EIF4E: variants seen among roughly 807,000 people sequenced by gnomAD.
The protein encoded by EIF4E is eukaryotic translation initiation factor 4E, also known as eIF-4F 25 kDa subunit.
For missense variants in EIF4E, 113 were observed against 265.6 expected, an observed-to-expected ratio of 0.43 and a Z score of 3.99; for synonymous variants, 71 against 88.5, an observed-to-expected ratio of 0.80 and a Z score of 1.11.
chr4:98,912,524 T>C (rs7678710), intron 1 of EIF4E, among the ~76,000 whole-genome samples: 84,838 of 151,028 alleles, frequency 0.56, 26,212 homozygotes, highest in African/African-American at 0.84. Flanking sequence ...TGCAGTGAGC[T>C]GAGATCGCAC....
chr4:98,882,874 C>A (rs1475193269), intron 6 of EIF4E, among the ~76,000 whole-genome samples: 1 of 151,472 alleles, frequency 6.6e-6, no homozygotes, highest in Non-Finnish European at 1.5e-5. Context: ...GGTTTTGATG[C>A]TGGAAGAAAC....
chr4:98,921,041 A>C (rs143222869), intron 1 of EIF4E, among the ~76,000 whole-genome samples: 4 of 152,320 alleles, frequency 2.6e-5, no homozygotes, highest in Admixed American at 6.5e-5. Flanking sequence ...GCCTTGCTAA[A>C]AATTAAAAAA....
chr4:98,915,847 CT>C (rs906952943), intron 1 of EIF4E, among the ~76,000 whole-genome samples: 32 of 151,548 alleles, frequency 2.1e-4, no homozygotes, highest in African/African-American at 7.8e-4. Context: ...TGGCCGTTAT[CT>C]TTAATAATAC....
At position 98,887,110 on chromosome 4, in the gene EIF4E, C is replaced by T; in HGVS notation, c.368G>A (p.Arg123Gln). 6.2e-7 allele frequency: 1 copy of T among 1,613,714 alleles called. No homozygotes were observed. The change falls in exon 5 of 7, where the codon CGA becomes CAA. Residue 123 changes from arginine (R) to glutamine (Q), a missense_variant. Coordinates refer to ENST00000450253, the MANE Select transcript of EIF4E (RefSeq NM_001968.5). This position sits in a 1 kb window ranked among gnomAD's most constrained non-coding sequence, Gnocchi z 4.0. ...TAGCCAAAAGCGATCGAGGTCACTT[C>T]GTCTCTGCTGTTTGTTCAATGTAAT... is the stretch of plus-strand genomic sequence containing the variant. ...WLITLNKQQR[R>Q]SDLDRFWLET... is the part of the protein sequence containing the mutation.
At chr4:98,927,378 G>C (rs749966022) in intron 1 of EIF4E, among the ~76,000 whole-genome samples, 1 of 151,994 alleles carries the variant, frequency 6.6e-6, no homozygotes, top group African/African-American at 2.4e-5. Context: ...TAAAAGTGCC[G>C]GGTGCTGTGG....
chr4:98,881,725 C>T (rs115821266), intron 6 of EIF4E, among the ~76,000 whole-genome samples: 2,179 of 152,192 alleles, frequency 0.014, 16 homozygotes, highest in Non-Finnish European at 0.02. Flanking sequence ...TTAAACACTT[C>T]GAGGGAGTGA....
rs997307543 is a variant in EIF4E at position 98,882,523 on chromosome 4, CTAGGA to C, written c.540-1386_540-1382del. 2.0e-4 allele frequency among the ~76,000 whole-genome samples: 30 copies of C among 151,108 alleles called. 1 individual carries two copies. Among genetic ancestry groups the C allele is most frequent in the African/African-American group, 6.8e-4 (28 of 41,022 alleles). On this transcript the variant is annotated intron_variant, in intron 6 of 6. Coordinates refer to ENST00000450253, the MANE Select transcript of EIF4E (RefSeq NM_001968.5). ...TGGAGTTAAATCCTCCAACATGATA[CTAGGA>C]TAGGTTTTTTTTATACCTTCCAGAA...
chr4:98,923,360 G>A (rs1332616231), intron 1 of EIF4E, among the ~76,000 whole-genome samples: 1 of 151,336 alleles, frequency 6.6e-6, no homozygotes, highest in Non-Finnish European at 1.5e-5. Flanking sequence ...CTGTCACCCA[G>A]GCTGGAATGC....
intron 2 of EIF4E, among the ~76,000 whole-genome samples, chr4:98,900,316 G>A (rs1724593003): frequency 6.6e-6 from 1 of 152,178 alleles, no homozygotes; most frequent in Non-Finnish European, 1.5e-5. Flanking sequence ...TGTCCCACTA[G>A]CTGAGAATCT....
At chr4:98,898,105 C>G (rs1267756939) in intron 2 of EIF4E, among the ~76,000 whole-genome samples, 3 of 151,542 alleles carry the variant, frequency 2.0e-5, no homozygotes, top group African/African-American at 7.3e-5. Flanking sequence ...GAGCATGTGT[C>G]CTACGAAAAA....
intron 5 of EIF4E, among the ~76,000 whole-genome samples, chr4:98,885,278 G>A (rs1383686908): frequency 6.6e-6 from 1 of 151,982 alleles, no homozygotes; most frequent in Non-Finnish European, 1.5e-5. Context: ...AGCAAATTTG[G>A]CAGTTAATGT....
rs183776916 is a variant in EIF4E at position 98,884,629 on chromosome 4, G to A, written c.539+293C>T. Among the ~76,000 whole-genome samples the A allele has an allele frequency of 2.6e-5, 4 of 152,156 alleles. No homozygotes were observed. The East Asian group carries it at 7.7e-4, about 29-fold the overall frequency. On this transcript the variant is annotated intron_variant, in intron 6 of 6. Coordinates refer to ENST00000450253, the MANE Select transcript of EIF4E (RefSeq NM_001968.5). ...TGAGACATAACAATCTCCTGAACCCGGGAGGCGGAGGTTGCAGTGAGCCTA... is the reference window on the plus strand; with the variant it reads ...TGAGACATAACAATCTCCTGAACCCAGGAGGCGGAGGTTGCAGTGAGCCTA...
intron 1 of EIF4E, among the ~76,000 whole-genome samples, chr4:98,919,663 A>T (rs1725562904): frequency 6.8e-6 from 1 of 147,904 alleles, no homozygotes; most frequent in Admixed American, 6.9e-5. Flanking sequence ...GGTTCAAGTG[A>T]TTCTCCTGTC....
Position 98,929,123 on chromosome 4 carries a change from T to C in EIF4E, c.-11A>G. 6.4e-7 allele frequency: 1 copy of C among 1,569,056 alleles called. No homozygotes were observed. Among genetic ancestry groups the C allele is most frequent in the Non-Finnish European group, 8.6e-7 (1 of 1,156,700 alleles). Reference sequence around the variant, plus strand: ...TTCGACAGTCGCCATCTTAGATCGATCTGATCGCACAACCGCTCCAGAAGG... The same window carrying C: ...TTCGACAGTCGCCATCTTAGATCGACCTGATCGCACAACCGCTCCAGAAGG... On this transcript the variant is annotated 5_prime_UTR_variant, in exon 1 of 7. Coordinates refer to ENST00000450253, the MANE Select transcript of EIF4E (RefSeq NM_001968.5).
chr4:98,893,065 A>G (rs902039089), intron 2 of EIF4E, among the ~76,000 whole-genome samples: 2 of 152,210 alleles, frequency 1.3e-5, no homozygotes, highest in African/African-American at 4.8e-5. Context: ...GAGTCACACA[A>G]ATTTTTTGGT....
chr4:98,900,392 G>A (rs1161627997), intron 2 of EIF4E, among the ~76,000 whole-genome samples: 1 of 152,032 alleles, frequency 6.6e-6, no homozygotes, highest in East Asian at 1.9e-4. Flanking sequence ...TCTCCTATGA[G>A]AAAACTGCAT....
chr4:98,884,769 A>G (rs976051889), intron 6 of EIF4E, among the ~76,000 whole-genome samples, 153 bp downstream of exon 6: 5 of 152,168 alleles, frequency 3.3e-5, no homozygotes, highest in African/African-American at 7.2e-5. Context: ...TTGCGCACCA[A>G]TTGAGCCGTT....
At chr4:98,925,541 T>C (rs895368520) in intron 1 of EIF4E, among the ~76,000 whole-genome samples, 2 of 152,204 alleles carry the variant, frequency 1.3e-5, no homozygotes, top group African/African-American at 4.8e-5. Flanking sequence ...GTAAAATGTT[T>C]CCCTTAATTT....
intron 1 of EIF4E, among the ~76,000 whole-genome samples, chr4:98,925,509 T>A (rs1187982025): frequency 6.6e-6 from 1 of 152,202 alleles, no homozygotes; most frequent in Non-Finnish European, 1.5e-5. Flanking sequence ...GTTCAAATTT[T>A]TGCCAAATTA....
Sources: gnomAD v4.1 joint callset for allele counts (sites outside exome capture counted in the v4.1 genomes callset) on GRCh38, gnomAD v4.1.1 for gene constraint, Gnocchi (gnomAD v3.1) non-coding constraint, MANE v1.5 for transcripts, NCBI Gene and HGNC (gene_info 2026-07-23, HGNC 2026-07-21) for gene names.